Variants in HAUS2 observed in about 807,000 individuals in gnomAD.
HAUS2 encodes the protein HAUS augmin-like complex subunit 2.
Under a neutral mutation model 21.6 loss-of-function variants are expected in HAUS2, and 20 were observed. The ratio of observed to expected loss-of-function variants is 0.93; its 90% CI spans 0.65 to 1.35. HAUS2 has a LOEUF of 1.35. HAUS2 is among the 40% of genes most tolerant of loss of function. The pLI, the probability that HAUS2 is intolerant of heterozygous loss-of-function variation, is 0.00. For synonymous variants in HAUS2, 113 were observed against 95.6 expected (o/e 1.18, Z -1.06); for missense variants, 297 against 280.7 (o/e 1.06, Z -0.42).
intron 5 of HAUS2, among the ~76,000 whole-genome samples, chr15:42,564,724 A>G (rs923380145): frequency 1.3e-5 from 2 of 152,230 alleles, no homozygotes; most frequent in Non-Finnish European, 2.9e-5. Context: ...CCTAAGCTCA[A>G]GTGAGGCACC....
rs939196440 is a variant in HAUS2 at position 42,568,719 on chromosome 15, A to G, written c.*1903A>G. ...CCCCAGTAAAAACCCTGGGCACTGTATCTCTAACAAGTTTCCCTGGTAAAC... is the reference window on the plus strand; with the variant it reads ...CCCCAGTAAAAACCCTGGGCACTGTGTCTCTAACAAGTTTCCCTGGTAAAC... On this transcript the variant is annotated 3_prime_UTR_variant, in exon 6 of 6. Transcript: ENST00000260372. 1.3e-5 allele frequency: 2 copies of G among 152,196 alleles called. No homozygotes were observed. The highest frequency in any genetic ancestry group is 3.2e-3 in the Middle Eastern group (1 of 316). 9.4% of individuals were successfully genotyped at this position (152,196 alleles called of 1,614,324 possible).
At chr15:42,559,522 C>T in intron 3 of HAUS2, 114 bp downstream of exon 3, 2 of 671,802 alleles carry the variant, frequency 3.0e-6, no homozygotes, top group Non-Finnish European at 5.4e-6. Context: ...CAGGTGTTGT[C>T]CCAAAGCTAA....
In HAUS2 at chr15:42,556,261, C is replaced by CTTTTT. The variant is rs1200353279; in HGVS notation, c.94-1918_94-1914dup. 8.8e-3 allele frequency among the ~76,000 whole-genome samples: 674 copies of CTTTTT among 76,296 alleles called. 53 individuals carry two copies. Among genetic ancestry groups the CTTTTT allele is most frequent in the African/African-American group, 0.029 (470 of 16,004 alleles). The allele number at this position is 76,296 out of a possible 152,430, so 50.1% of individuals were successfully genotyped here. A position where few individuals can be genotyped will look rare whatever the true frequency, so the allele number is the denominator to read the frequency against. Reference sequence around the variant, plus strand: ...ACAGGTGTGAGCCACTGCGCCCAGGCTTTTTTTTTTTTTTTTTTTTTTTGA... The same window carrying CTTTTT: ...ACAGGTGTGAGCCACTGCGCCCAGGCTTTTTTTTTTTTTTTTTTTTTTTTTTTTGA... On this transcript the variant is annotated intron_variant, in intron 1 of 5. Coordinates refer to ENST00000260372, the MANE Select transcript of HAUS2 (RefSeq NM_018097.3).
chr15:42,552,723 G>A (rs1363763780), intron 1 of HAUS2, among the ~76,000 whole-genome samples: 2 of 152,134 alleles, frequency 1.3e-5, no homozygotes, highest in East Asian at 3.9e-4. Context: ...ATTGCTTATT[G>A]GCAATTAATA....
At chr15:42,566,462 A>C in intron 5 of HAUS2, 145 bp from the exon 6 acceptor site, 5 of 610,712 alleles carry the variant, frequency 8.2e-6, no homozygotes, top group Non-Finnish European at 1.4e-5. Flanking sequence ...TTGTACTGTA[A>C]GAAGTGGGAA....
Position 42,548,908 on chromosome 15 carries a change from G to T in HAUS2, c.36G>T (p.Ala12=), listed in dbSNP as rs1162112536. The change falls in exon 1 of 6, where the codon GCG becomes GCT. Residue 12 remains alanine, a synonymous_variant. Coordinates refer to ENST00000260372, the MANE Select transcript of HAUS2 (RefSeq NM_018097.3). ...CCAACCCGTGGGACCCGGCGTCCGC[G>T]CCTAACGGCGCTGGGCTAGTGCTAG... The part of the protein sequence containing the change: ...AAANPWDPAS[A]PNGAGLVLGH... The T allele has an allele frequency of 5.2e-6, 8 of 1,550,920 alleles. No homozygotes were observed. The highest frequency in any genetic ancestry group is 7.0e-6 in the Non-Finnish European group (8 of 1,146,796).
At chr15:42,549,375 T>C (rs963911609) in intron 1 of HAUS2, among the ~76,000 whole-genome samples, 7 of 152,064 alleles carry the variant, frequency 4.6e-5, no homozygotes, top group African/African-American at 1.2e-4. Flanking sequence ...TGAATCGTAT[T>C]TGGGGCGGGA....
In HAUS2 at chr15:42,549,860, G is replaced by A. The variant is rs781427905; in HGVS notation, c.93+895G>A. On this transcript the variant is annotated intron_variant, in intron 1 of 5. Coordinates refer to ENST00000260372, the MANE Select transcript of HAUS2 (RefSeq NM_018097.3). ...GATTAATTTTGAGAAGGAGAGAAAA[G>A]AGACATTAACCCAAGGAGTCACGGA... 4.0e-5 allele frequency among the ~76,000 whole-genome samples: 6 copies of A among 148,624 alleles called. No individual in the cohort carries two copies. In the East Asian group the frequency reaches 9.9e-4, roughly 24 times the overall value.
chr15:42,559,548 C>A, intron 3 of HAUS2, 140 bp downstream of exon 3: 1 of 617,026 alleles, frequency 1.6e-6, no homozygotes. Flanking sequence ...TCTTGTATTT[C>A]TATGCTGAAA....
intron 4 of HAUS2, among the ~76,000 whole-genome samples, chr15:42,562,290 T>C (rs2057860264): frequency 6.6e-6 from 1 of 152,166 alleles, no homozygotes; most frequent in African/African-American, 2.4e-5. Flanking sequence ...TACAAAAACT[T>C]ATTCTTCCAA....
chr15:42,563,787 T>C lies in HAUS2; in HGVS notation c.428T>C (p.Ile143Thr), dbSNP rs754182924. The C allele has an allele frequency of 6.9e-6, 11 of 1,583,488 alleles. No individual in the cohort carries two copies. The highest frequency in any genetic ancestry group is 1.7e-4 in the Middle Eastern group (1 of 6,002). The part of the protein sequence containing the change: ...VHLLELAVTF[I>T]ERLETHLETI... Reference sequence around the variant, plus strand: ...TTGCTGGAGTTGGCTGTGACTTTCATTGAGAGATTAGAAACCCACCTTGAA... The same window carrying C: ...TTGCTGGAGTTGGCTGTGACTTTCACTGAGAGATTAGAAACCCACCTTGAA... Residue 143 changes from isoleucine to threonine, a missense_variant, in exon 5 of 6, where the codon ATT (isoleucine) becomes ACT (threonine). Transcript: ENST00000260372.
intron 5 of HAUS2, among the ~76,000 whole-genome samples, chr15:42,564,911 G>A (rs544302833): frequency 4.4e-4 from 67 of 152,280 alleles, no homozygotes; most frequent in Admixed American, 1.2e-3. Context: ...TCTCGGCTCA[G>A]TGCAACCTCC....
chr15:42,565,213 T>G (rs1048000548), intron 5 of HAUS2, among the ~76,000 whole-genome samples: 12 of 152,102 alleles, frequency 7.9e-5, no homozygotes, highest in African/African-American at 2.9e-4. Flanking sequence ...AGGAGCAATG[T>G]GAGGAAAGAC....
At chr15:42,553,359 T>G (rs889063662) in intron 1 of HAUS2, among the ~76,000 whole-genome samples, 2 of 152,158 alleles carry the variant, frequency 1.3e-5, no homozygotes, top group Non-Finnish European at 2.9e-5. Context: ...AGACTCCTTT[T>G]TCTCAGGATC....
At chr15:42,560,748 C>T (rs1375391464) in intron 3 of HAUS2, 8 of 698,742 alleles carry the variant, frequency 1.1e-5, no homozygotes, top group Non-Finnish European at 2.1e-5. Context: ...GCCACCATGC[C>T]CAGCTAATTT....
intron 5 of HAUS2, among the ~76,000 whole-genome samples, chr15:42,564,325 C>G (rs952609901): frequency 6.8e-6 from 1 of 146,190 alleles, no homozygotes; most frequent in Non-Finnish European, 1.5e-5. Flanking sequence ...TTGGATTTAA[C>G]ATTTTCTTTT....
intron 3 of HAUS2, chr15:42,560,837 C>T (rs1292227414): frequency 1.4e-6 from 1 of 702,080 alleles, no homozygotes; most frequent in Non-Finnish European, 2.6e-6. Flanking sequence ...CCTCAATTCT[C>T]CCGTTTCAGT....
chr15:42,566,076 C>T (rs555075796), intron 5 of HAUS2, among the ~76,000 whole-genome samples: 4 of 152,172 alleles, frequency 2.6e-5, no homozygotes, highest in South Asian at 4.2e-4. Flanking sequence ...GTGGCACGTG[C>T]CTGTAGTCCC....
chr15:42,566,062 C>T (rs918587885), intron 5 of HAUS2, among the ~76,000 whole-genome samples: 1 of 152,004 alleles, frequency 6.6e-6, no homozygotes, highest in African/African-American at 2.4e-5. Flanking sequence ...ATTAGCTGGG[C>T]GTGGTGGCAC....
Sources: gnomAD v4.1 joint callset for allele counts (sites outside exome capture counted in the v4.1 genomes callset) on GRCh38, gnomAD v4.1.1 for gene constraint, MANE v1.5 for transcripts, NCBI Gene and HGNC (gene_info 2026-07-23, HGNC 2026-07-21) for gene names.